BBS9: variants seen among roughly 807,000 people sequenced by gnomAD.
BBS9 encodes the protein Bardet-Biedl syndrome 9, also known as protein PTHB1.
Under a neutral mutation model 117.7 loss-of-function variants are expected in BBS9, and 89 were observed. The observed-to-expected ratio is 0.76, with a 90% CI of 0.64 to 0.90. BBS9 has a LOEUF of 0.90. BBS9 is among the 40% of genes least tolerant of loss of function. The probability of loss-of-function intolerance (pLI) is 0.00; values close to 1 mark genes in which losing one functional copy is unlikely to be tolerated. For missense variants in BBS9, 982 were observed against 1,042.2 expected (o/e 0.94, Z 0.80); for synonymous variants, 379 against 370.9 (o/e 1.02, Z -0.25).
In BBS9 at chr7:33,264,367, G is replaced by A; in HGVS notation, c.695G>A (p.Arg232Lys). The A allele has an allele frequency of 6.3e-7, 1 of 1,579,294 alleles. No homozygotes were observed. Among genetic ancestry groups the A allele is most frequent in the Non-Finnish European group, 8.6e-7 (1 of 1,161,188 alleles). ...CAGCAAAAACTTGGTTCTGGAAAAA[G>A]ACTAGTTGTAAGGCCTTTTTTTAAT... ...TEQQKLGSGK[R>K]LVVDWTLNIG... is the part of the protein sequence containing the mutation. The change falls in exon 7 of 23, where the codon AGA (arginine) becomes AAA (lysine). Residue 232 changes from arginine to lysine, a missense_variant. Transcript: ENST00000242067.
chr7:33,473,017 C>G (rs928140253), intron 19 of BBS9, among the ~76,000 whole-genome samples: 1 of 152,130 alleles, frequency 6.6e-6, no homozygotes, highest in African/African-American at 2.4e-5. Context: ...CCTAAGTTGA[C>G]CAGGTGGGCC....
At chr7:33,480,393 C>T (rs553280363) in intron 19 of BBS9, among the ~76,000 whole-genome samples, 1 of 152,074 alleles carries the variant, frequency 6.6e-6, no homozygotes, top group South Asian at 2.1e-4. Flanking sequence ...GGGAGAAAGA[C>T]GTGTCCCCTA....
intron 1 of BBS9, among the ~76,000 whole-genome samples, chr7:33,131,185 C>T (rs909217730): frequency 6.6e-6 from 1 of 152,148 alleles, no homozygotes; most frequent in Non-Finnish European, 1.5e-5. Context: ...ACACTACCAC[C>T]GTCTCTTTCA....
chr7:33,235,288 A>C (rs868588163), intron 5 of BBS9, among the ~76,000 whole-genome samples: 7 of 152,126 alleles, frequency 4.6e-5, no homozygotes, highest in Non-Finnish European at 1.0e-4. Flanking sequence ...AGTCCACCTG[A>C]CATAGGTCAT....
chr7:33,477,213 GCATAT>G (rs1841918902), intron 19 of BBS9, among the ~76,000 whole-genome samples: 1 of 152,146 alleles, frequency 6.6e-6, no homozygotes, highest in Admixed American at 6.5e-5. Flanking sequence ...GAAGTAATTG[GCATAT>G]CATAAGTACC....
chr7:33,617,184 A>T (rs551966741), intron 21 of BBS9, among the ~76,000 whole-genome samples: 1 of 152,248 alleles, frequency 6.6e-6, no homozygotes, highest in South Asian at 2.1e-4. Flanking sequence ...CAATTAAAAG[A>T]TACATTGTCT....
At chr7:33,239,433 C>T (rs949584537) in intron 5 of BBS9, among the ~76,000 whole-genome samples, 9 of 151,338 alleles carry the variant, frequency 5.9e-5, no homozygotes, top group Non-Finnish European at 1.3e-4. Flanking sequence ...TTTTTTGAGA[C>T]AGAGTCTTGC....
At position 33,410,348 on chromosome 7, in the gene BBS9, A is replaced by G. The variant is rs182434395; in HGVS notation, c.2115+22204A>G. Among the ~76,000 whole-genome samples the G allele has an allele frequency of 2.1e-4, 32 of 152,288 alleles. No individual in the cohort carries two copies. In the East Asian group the frequency reaches 6.0e-3, roughly 28 times the overall value. Reference sequence around the variant, plus strand: ...ACTTTTCTTTAGGAAGCTTAGCCTCATCAGAACACTGTCTCTTTTCCTGTT... The same window carrying G: ...ACTTTTCTTTAGGAAGCTTAGCCTCGTCAGAACACTGTCTCTTTTCCTGTT... On this transcript the variant is annotated intron_variant, in intron 19 of 22. Transcript: ENST00000242067.
intron 9 of BBS9, among the ~76,000 whole-genome samples, chr7:33,323,149 C>T (rs974257782): frequency 6.6e-6 from 1 of 151,972 alleles, no homozygotes; most frequent in Non-Finnish European, 1.5e-5. Context: ...TGTTTTGTGG[C>T]CTAACATTTT....
intron 10 of BBS9, among the ~76,000 whole-genome samples, chr7:33,337,810 A>G (rs1815688453): frequency 6.6e-6 from 1 of 152,110 alleles, no homozygotes; most frequent in African/African-American, 2.4e-5. Flanking sequence ...TTAAAAATAT[A>G]ATTGGGGAAG....
intron 9 of BBS9, among the ~76,000 whole-genome samples, chr7:33,315,384 A>G (rs1562982520): frequency 1.3e-5 from 2 of 152,096 alleles, no homozygotes; most frequent in African/African-American, 4.8e-5. Flanking sequence ...TCTTACAAGG[A>G]TACACATCAT....
At chr7:33,558,891 A>G (rs554675911) in intron 21 of BBS9, among the ~76,000 whole-genome samples, 1 of 152,308 alleles carries the variant, frequency 6.6e-6, no homozygotes, top group South Asian at 2.1e-4. Flanking sequence ...GAATTTTTTA[A>G]AAAGACTCCT....
At position 33,525,650 on chromosome 7, in the gene BBS9, G is replaced by A. The variant is rs374329526; in HGVS notation, c.2299-8304G>A. Reference sequence around the variant, plus strand: ...TTTGAGCCTATGTGTGTCTCTGCACGTGAGATGGGTTTCCTGAATACAGCA... The same window carrying A: ...TTTGAGCCTATGTGTGTCTCTGCACATGAGATGGGTTTCCTGAATACAGCA... On this transcript the variant is annotated intron_variant, in intron 20 of 22. Coordinates refer to ENST00000242067, the MANE Select transcript of BBS9 (RefSeq NM_198428.3). Among the ~76,000 whole-genome samples the A allele has an allele frequency of 1.2e-4, 15 of 130,256 alleles. No individual in the cohort carries two copies. The East Asian group carries it at 1.9e-3, about 17-fold the overall frequency. 85.5% of individuals were successfully genotyped at this position (130,256 alleles called of 152,430 possible).
chr7:33,271,531 C>G (rs182125628), intron 7 of BBS9, among the ~76,000 whole-genome samples: 52 of 152,086 alleles, frequency 3.4e-4, no homozygotes, highest in African/African-American at 1.2e-3. Flanking sequence ...CTCTGTGAAG[C>G]AAATGGAAAA....
chr7:33,526,361 T>C (rs2129049379), intron 20 of BBS9, among the ~76,000 whole-genome samples: 2 of 152,354 alleles, frequency 1.3e-5, no homozygotes, highest in Middle Eastern at 6.8e-3. Flanking sequence ...CTCGGTTCCA[T>C]TCTCCCCATC....
chr7:33,560,233 C>T (rs1225756596), intron 21 of BBS9, among the ~76,000 whole-genome samples: 1 of 152,124 alleles, frequency 6.6e-6, no homozygotes, highest in Non-Finnish European at 1.5e-5. Flanking sequence ...ATATCTCTTT[C>T]CTGGCCCTGA....
chr7:33,256,139 G>A (rs1369530479), intron 5 of BBS9, among the ~76,000 whole-genome samples: 3 of 151,994 alleles, frequency 2.0e-5, no homozygotes, highest in Admixed American at 6.6e-5. Context: ...GCAACAGAGT[G>A]AGACTCTGTC....
chr7:33,555,576 A>G (rs1463278389), intron 21 of BBS9, among the ~76,000 whole-genome samples: 1 of 152,204 alleles, frequency 6.6e-6, no homozygotes, highest in African/African-American at 2.4e-5. Context: ...TTCAGGAGAT[A>G]AAATTGAGAG....
chr7:33,530,172 A>G (rs1046020857), intron 20 of BBS9, among the ~76,000 whole-genome samples: 3 of 152,152 alleles, frequency 2.0e-5, no homozygotes, highest in African/African-American at 7.2e-5. Flanking sequence ...TTAGTTTTAT[A>G]TTTGAATTTA....
Sources: gnomAD v4.1 joint callset for allele counts (sites outside exome capture counted in the v4.1 genomes callset) on GRCh38, gnomAD v4.1.1 for gene constraint, MANE v1.5 for transcripts, NCBI Gene and HGNC (gene_info 2026-07-23, HGNC 2026-07-21) for gene names.